ADAMTSL1: variants seen among roughly 807,000 people sequenced by gnomAD.
ADAMTSL1 encodes the protein ADAMTS-like protein 1.
In ADAMTSL1, 126 loss-of-function variants were observed where a neutral mutation model predicts 201.8. The ratio of observed to expected loss-of-function variants is 0.62; its 90% CI spans 0.54 to 0.72. The LOEUF (loss-of-function observed/expected upper bound fraction) is 0.72. ADAMTSL1 is among the 30% of genes least tolerant of loss of function. ADAMTSL1 has a pLI of 0.00. For synonymous variants in ADAMTSL1, 1,121 were observed against 903.4 expected, an observed-to-expected ratio of 1.24 and a Z score of -4.32; for missense variants, 2,679 against 2,277.8, an observed-to-expected ratio of 1.18 and a Z score of -3.59.
At chr9:17,927,325 C>T (rs989715787) in intron 1 of ADAMTSL1, among the ~76,000 whole-genome samples, 1 of 152,016 alleles carries the variant, frequency 6.6e-6, no homozygotes, top group Non-Finnish European at 1.5e-5. Context: ...CATAAATGCA[C>T]ACATACATAT....
Position 18,499,050 on chromosome 9 carries a change from C to T in ADAMTSL1, c.64-5779C>T, listed in dbSNP as rs190382914. Among the ~76,000 whole-genome samples, 155 of 152,366 alleles carry T rather than the reference C, an allele frequency of 1.0e-3. 2 individuals carry two copies. The South Asian group carries it at 0.01, about 10-fold the overall frequency. The stretch of plus-strand genomic sequence containing the variant: ...CAGGTACCCAAAAGTCCTCCTTGGC[C>T]TGTATAGCTTTTACACCCTGTTACA... On this transcript the variant is annotated intron_variant, in intron 1 of 28. Coordinates refer to ENST00000380548, the MANE Select transcript of ADAMTSL1 (RefSeq NM_001040272.6).
At chr9:18,184,523 A>G (rs1223389518) in intron 2 of ADAMTSL1, among the ~76,000 whole-genome samples, 1 of 152,204 alleles carries the variant, frequency 6.6e-6, no homozygotes, top group Admixed American at 6.5e-5. Flanking sequence ...GAGTGAGTAA[A>G]GAAGGGAAAC....
intron 2 of ADAMTSL1, among the ~76,000 whole-genome samples, chr9:18,465,781 C>T (rs745878781): frequency 3.3e-5 from 5 of 152,142 alleles, no homozygotes; most frequent in Non-Finnish European, 5.9e-5. Context: ...CAGAGTCTTG[C>T]CCTGTCGCCC....
At chr9:18,349,336 A>G (rs546478132) in intron 2 of ADAMTSL1, among the ~76,000 whole-genome samples, 2 of 152,268 alleles carry the variant, frequency 1.3e-5, no homozygotes, top group East Asian at 3.9e-4. Flanking sequence ...GCTGCCTTTA[A>G]ATGACTCCCC....
intron 2 of ADAMTSL1, among the ~76,000 whole-genome samples, chr9:18,243,881 G>C (rs888243178): frequency 1.3e-4 from 19 of 150,776 alleles, no homozygotes; most frequent in African/African-American, 4.4e-4. Flanking sequence ...GCTTGTACCA[G>C]TGGCACCAAC....
At chr9:18,730,216 A>G (rs1032078102) in intron 15 of ADAMTSL1, among the ~76,000 whole-genome samples, 2 of 152,208 alleles carry the variant, frequency 1.3e-5, no homozygotes, top group African/African-American at 2.4e-5. Context: ...TGACGAGAAG[A>G]GTTTTTCTAT....
At chr9:18,681,698 G>GTGC (rs66675938) in intron 11 of ADAMTSL1, 114 bp from the exon 12 acceptor site, 14 of 323,000 alleles carry the variant, frequency 4.3e-5, no homozygotes, top group Non-Finnish European at 6.0e-5. Flanking sequence ...GTCCTCGTGT[G>GTGC]GGGGGGGGGG....
chr9:18,807,021 G>T (rs1823175925), intron 20 of ADAMTSL1, among the ~76,000 whole-genome samples: 1 of 152,242 alleles, frequency 6.6e-6, no homozygotes, highest in African/African-American at 2.4e-5. Flanking sequence ...CTGTACTGTG[G>T]GTACAATGAG....
At chr9:18,282,996 A>C (rs1832851573) in intron 2 of ADAMTSL1, among the ~76,000 whole-genome samples, 1 of 152,326 alleles carries the variant, frequency 6.6e-6, no homozygotes, top group South Asian at 2.1e-4. Flanking sequence ...AATCTTCTGT[A>C]CCTTTTCTGA....
At chr9:18,205,528 A>G (rs1441820135) in intron 2 of ADAMTSL1, among the ~76,000 whole-genome samples, 1 of 152,134 alleles carries the variant, frequency 6.6e-6, no homozygotes, top group African/African-American at 2.4e-5. Context: ...ACTGAGCTTA[A>G]TTATATTGTT....
Position 18,675,899 on chromosome 9 carries a change from C to G in ADAMTSL1, c.1128C>G (p.Pro376=), listed in dbSNP as rs61754855. Reference sequence around the variant, plus strand: ...TCATGCCTTATGACCTCTACCATCCCCTTCCTCGGTACGTAAATCAATCAT... The same window carrying G: ...TCATGCCTTATGACCTCTACCATCCGCTTCCTCGGTACGTAAATCAATCAT... The part of the protein sequence containing the change: ...KQIMPYDLYH[P]LPRWEATPWT... The change falls in exon 10 of 29, where the codon CCC becomes CCG. Residue 376 remains proline (P), a synonymous_variant. Coordinates refer to ENST00000380548, the MANE Select transcript of ADAMTSL1 (RefSeq NM_001040272.6). 1.7e-3 allele frequency: 2,745 copies of G among 1,612,946 alleles called. 9 individuals are homozygous for G. Among genetic ancestry groups the G allele is most frequent in the South Asian group, 3.9e-3 (351 of 91,042 alleles).
At chr9:18,871,721 C>G (rs764204244) in intron 23 of ADAMTSL1, among the ~76,000 whole-genome samples, 7 of 152,182 alleles carry the variant, frequency 4.6e-5, no homozygotes, top group Non-Finnish European at 8.8e-5. Flanking sequence ...GTTCCAAACT[C>G]TTTAGCTCTT....
rs1469235729 is a variant in ADAMTSL1 at position 18,092,605 on chromosome 9, C to G, written c.88-71257C>G. Among the ~76,000 whole-genome samples the G allele has an allele frequency of 3.3e-5, 5 of 152,236 alleles. No individual in the cohort carries two copies. In the East Asian group the frequency reaches 7.7e-4, roughly 24 times the overall value. ...CTGGCATTTGCACTTTGGATTTTCC[C>G]AGTCTTTCCCCAATACTTGTGGTCC... On this transcript the variant is annotated intron_variant, in intron 1 of 29. Transcript: ENST00000680146.
chr9:18,696,505 C>T (rs1831558607), intron 13 of ADAMTSL1, among the ~76,000 whole-genome samples: 1 of 152,176 alleles, frequency 6.6e-6, no homozygotes, highest in African/African-American at 2.4e-5. Context: ...AAAAGCTTTA[C>T]ATTTTAAGAT....
At chr9:18,007,490 T>C (rs535114027) in intron 1 of ADAMTSL1, among the ~76,000 whole-genome samples, 72 of 152,052 alleles carry the variant, frequency 4.7e-4, no homozygotes, top group Non-Finnish European at 9.0e-4. Context: ...GGAATAAATG[T>C]AGAAAGACTA....
chr9:18,624,829 A>T (rs1019830754), intron 5 of ADAMTSL1, among the ~76,000 whole-genome samples: 2 of 152,210 alleles, frequency 1.3e-5, no homozygotes, highest in African/African-American at 4.8e-5. Context: ...GCCCTATTCA[A>T]GACCGACAGT....
intron 1 of ADAMTSL1, among the ~76,000 whole-genome samples, chr9:18,088,069 A>G (rs1229370084): frequency 6.6e-6 from 1 of 152,186 alleles, no homozygotes; most frequent in Non-Finnish European, 1.5e-5. Flanking sequence ...AGACCAATGG[A>G]ACAGAATAGA....
intron 1 of ADAMTSL1, among the ~76,000 whole-genome samples, chr9:18,083,642 A>G (rs1254175777): frequency 1.3e-5 from 2 of 152,234 alleles, no homozygotes; most frequent in African/African-American, 2.4e-5. Flanking sequence ...TTCCAATTCT[A>G]AACACAGTGC....
intron 23 of ADAMTSL1, among the ~76,000 whole-genome samples, chr9:18,880,259 G>A (rs1200714481): frequency 6.6e-6 from 1 of 152,120 alleles, no homozygotes; most frequent in East Asian, 1.9e-4. Flanking sequence ...AATCATGAAT[G>A]TCCTTAATGG....
Sources: allele counts gnomAD v4.1 joint callset (sites outside exome capture counted in the v4.1 genomes callset), GRCh38; gene constraint gnomAD v4.1.1; transcripts MANE v1.5; gene names NCBI Gene and HGNC (gene_info 2026-07-23, HGNC 2026-07-21).